EPHA6: variants seen among roughly 807,000 people sequenced by gnomAD.
EPHA6 encodes ephrin type-A receptor 6.
EPHA6 carries 50 observed loss-of-function variants against 112.0 expected under a neutral mutation model. That is an observed-to-expected ratio of 0.45 (90% CI 0.36 to 0.56). EPHA6 has a LOEUF of 0.56. Ranked by LOEUF, EPHA6 falls within the 20% of genes least tolerant of loss-of-function variation. EPHA6 has a pLI of 0.00. For missense variants in EPHA6, 1,280 were observed against 1,417.4 expected (o/e 0.90, Z 1.56); for synonymous variants, 529 against 490.7 (o/e 1.08, Z -1.03).
chr3:96,974,137 T>C (rs1172217439), intron 2 of EPHA6, among the ~76,000 whole-genome samples: 1 of 146,776 alleles, frequency 6.8e-6, no homozygotes, highest in Non-Finnish European at 1.5e-5. Context: ...TTATTATACT[T>C]ATAATTATAA....
At chr3:96,857,516 C>T (rs994467104) in intron 1 of EPHA6, among the ~76,000 whole-genome samples, 1 of 151,162 alleles carries the variant, frequency 6.6e-6, no homozygotes, top group African/African-American at 2.4e-5. Flanking sequence ...CTAAATTTGG[C>T]ATCACATTCA....
At chr3:97,289,769 A>T (rs759669490) in intron 5 of EPHA6, among the ~76,000 whole-genome samples, 2 of 151,518 alleles carry the variant, frequency 1.3e-5, no homozygotes, top group African/African-American at 4.9e-5. Context: ...GCTTGTAGAG[A>T]TCTTTCACCT....
At chr3:97,031,933 C>CGA (rs2044865036) in intron 3 of EPHA6, among the ~76,000 whole-genome samples, 1 of 152,078 alleles carries the variant, frequency 6.6e-6, no homozygotes, top group Non-Finnish European at 1.5e-5. Flanking sequence ...TTGACCCAGC[C>CGA]ATCCCGTTAC....
At chr3:96,873,960 A>C (rs2107482679) in intron 2 of EPHA6, among the ~76,000 whole-genome samples, 1 of 152,258 alleles carries the variant, frequency 6.6e-6, no homozygotes, top group Non-Finnish European at 1.5e-5. Flanking sequence ...ATATATGAAA[A>C]AACTGGACCT....
intron 5 of EPHA6, among the ~76,000 whole-genome samples, chr3:97,317,847 C>A (rs2081919931): frequency 6.6e-6 from 1 of 151,836 alleles, no homozygotes; most frequent in Non-Finnish European, 1.5e-5. Context: ...AACATGGAAT[C>A]CCAAAGAGCA....
chr3:97,210,856 G>A (rs1056651931), intron 3 of EPHA6, among the ~76,000 whole-genome samples: 6 of 152,162 alleles, frequency 3.9e-5, no homozygotes, highest in Non-Finnish European at 5.9e-5. Flanking sequence ...GGCAGGAGTG[G>A]GGACTGGAGG....
chr3:97,541,757 G>T (rs2092856755), intron 11 of EPHA6, among the ~76,000 whole-genome samples: 1 of 129,424 alleles, frequency 7.7e-6, no homozygotes, highest in African/African-American at 3.8e-5. Context: ...TTGTTTTAAA[G>T]AAGTTTGTTG....
At chr3:97,073,681 C>T (rs1333202253) in intron 3 of EPHA6, among the ~76,000 whole-genome samples, 2 of 151,916 alleles carry the variant, frequency 1.3e-5, no homozygotes, top group Non-Finnish European at 2.9e-5. Context: ...TTCATATGAT[C>T]GTAAAGCATA....
intron 3 of EPHA6, among the ~76,000 whole-genome samples, chr3:97,047,919 T>C (rs2045566161): frequency 6.6e-6 from 1 of 152,138 alleles, no homozygotes; most frequent in Non-Finnish European, 1.5e-5. Context: ...TATTGACAAA[T>C]GAAGTTCCAG....
chr3:97,305,142 A>C (rs993146710), intron 5 of EPHA6, among the ~76,000 whole-genome samples: 1 of 152,068 alleles, frequency 6.6e-6, no homozygotes, highest in African/African-American at 2.4e-5. Flanking sequence ...GCTCAACATC[A>C]CTGATCATTA....
intron 2 of EPHA6, among the ~76,000 whole-genome samples, chr3:96,898,127 CACCTAT>C (rs1377649204): frequency 6.6e-6 from 1 of 152,078 alleles, no homozygotes; most frequent in Non-Finnish European, 1.5e-5. Flanking sequence ...ACATGGAAAA[CACCTAT>C]TAAAACTGTG....
At chr3:97,102,605 A>G (rs1009075317) in intron 3 of EPHA6, among the ~76,000 whole-genome samples, 12 of 152,124 alleles carry the variant, frequency 7.9e-5, no homozygotes, top group African/African-American at 2.7e-4. Context: ...GTGCCTTCAT[A>G]GTAAATGATT....
intron 1 of EPHA6, among the ~76,000 whole-genome samples, chr3:96,821,677 T>G (rs2033268636): frequency 6.6e-6 from 1 of 151,886 alleles, no homozygotes; most frequent in Non-Finnish European, 1.5e-5. Flanking sequence ...AATAATCAAG[T>G]ATAAAAGCTT....
At chr3:97,227,932 A>G (rs1385035896) in intron 4 of EPHA6, among the ~76,000 whole-genome samples, 1 of 152,186 alleles carries the variant, frequency 6.6e-6, no homozygotes, top group Non-Finnish European at 1.5e-5. Flanking sequence ...TCTAAACCAC[A>G]GAAAGGGAGG....
chr3:97,725,816 T>C (rs2034742388), intron 15 of EPHA6, among the ~76,000 whole-genome samples: 1 of 152,036 alleles, frequency 6.6e-6, no homozygotes, highest in South Asian at 2.1e-4. Flanking sequence ...CAACATAAGA[T>C]GGAGGGGAAA....
At chr3:97,612,941 C>G (rs939185191) in intron 13 of EPHA6, among the ~76,000 whole-genome samples, 2 of 152,100 alleles carry the variant, frequency 1.3e-5, no homozygotes, top group South Asian at 2.1e-4. Flanking sequence ...AAGCCATGCT[C>G]TCATGCGTTA....
chr3:97,672,402 T>C (rs2030936643), intron 14 of EPHA6, among the ~76,000 whole-genome samples: 1 of 152,122 alleles, frequency 6.6e-6, no homozygotes. Flanking sequence ...GAAAAATTAG[T>C]GGTTTTGTTG....
intron 3 of EPHA6, among the ~76,000 whole-genome samples, chr3:97,022,921 T>G (rs2044512046): frequency 6.6e-6 from 1 of 152,188 alleles, no homozygotes; most frequent in South Asian, 2.1e-4. Context: ...CAGCATTATT[T>G]ACATCCATCA....
At chr3:97,329,595 T>G (rs2082674319) in intron 5 of EPHA6, among the ~76,000 whole-genome samples, 3 of 152,076 alleles carry the variant, frequency 2.0e-5, no homozygotes, top group Admixed American at 1.3e-4. Context: ...TCATGTGTCT[T>G]TTGGCTGCAT....
Sources: allele counts gnomAD v4.1 joint callset (sites outside exome capture counted in the v4.1 genomes callset), GRCh38; gene constraint gnomAD v4.1.1; transcripts MANE v1.5; gene names NCBI Gene and HGNC (gene_info 2026-07-23, HGNC 2026-07-21).